ARCN1: variants seen among roughly 807,000 people sequenced by gnomAD.
ARCN1 encodes coatomer subunit delta.
ARCN1 carries 5 observed loss-of-function variants against 60.4 expected under a neutral mutation model. The ratio of observed to expected loss-of-function variants is 0.08; its 90% CI spans 0.04 to 0.17. The LOEUF (loss-of-function observed/expected upper bound fraction) is 0.17. Ranked by LOEUF, ARCN1 falls within the 10% of genes least tolerant of loss-of-function variation. The pLI is 1.00. For missense variants in ARCN1, 464 were observed against 626.5 expected (o/e 0.74, Z 2.77); for synonymous variants, 224 against 220.0 (o/e 1.02, Z -0.16).
rs1939130959 is a variant in ARCN1, at chr11:118,600,813, AC to A, written c.*103del. On this transcript the variant is annotated 3_prime_UTR_variant, in exon 10 of 10. Transcript: ENST00000264028. ...TTCCCAGATTTACAAGCCACTGGAG[AC>A]CCCTTTTTTCTGATACAATGCACGA... The A allele has an allele frequency of 2.4e-6, 2 of 822,998 alleles. No homozygotes were observed. The highest frequency in any genetic ancestry group is 3.9e-6 in the Non-Finnish European group (2 of 515,498). The allele number at this position is 822,998 out of a possible 1,614,324, so 51.0% of individuals were successfully genotyped here.
chr11:118,591,528 A>T (rs1555076313), intron 6 of ARCN1, among the ~76,000 whole-genome samples: 1 of 151,992 alleles, frequency 6.6e-6, no homozygotes, highest in Non-Finnish European at 1.5e-5. Flanking sequence ...AGTAGCTGGG[A>T]TTACAGGCAC....
chr11:118,579,293 G>A (rs1417722308), intron 1 of ARCN1, among the ~76,000 whole-genome samples: 1 of 152,042 alleles, frequency 6.6e-6, no homozygotes, highest in Non-Finnish European at 1.5e-5. Context: ...AATGTGAAAT[G>A]ATCCCAAATA....
In ARCN1 at chr11:118,590,342, G is replaced by T; in HGVS notation, c.820G>T (p.Val274Leu). Residue 274 changes from valine (V) to leucine (L), a missense_variant and splice_region_variant, in exon 6 of 10, where the codon GTA (valine) becomes TTA (leucine). Physicochemically the swap from Val to Leu is conservative, Grantham distance 32. Transcript: ENST00000264028. ...MHAPPINMES[V>L]HMKIEEKITL... is the part of the protein sequence containing the mutation. The stretch of plus-strand genomic sequence containing the variant: ...AAATGTATTACTTTCTCTTTATAGT[G>T]TACATATGAAGATTGAAGAAAAGAT... The T allele has an allele frequency of 6.2e-7, 1 of 1,611,436 alleles. No individual in the cohort carries two copies. Among genetic ancestry groups the T allele is most frequent in the Non-Finnish European group, 8.5e-7 (1 of 1,177,710 alleles).
intron 1 of ARCN1, among the ~76,000 whole-genome samples, chr11:118,574,841 A>C (rs991929193): frequency 2.6e-5 from 4 of 152,070 alleles, no homozygotes; most frequent in Non-Finnish European, 5.9e-5. Context: ...ATCATAGTGC[A>C]CTGCGGCCTA....
At chr11:118,574,312 C>T (rs1383039604) in intron 1 of ARCN1, among the ~76,000 whole-genome samples, 2 of 152,082 alleles carry the variant, frequency 1.3e-5, no homozygotes, top group East Asian at 3.8e-4. Flanking sequence ...TGCTCCTTTA[C>T]AAACAGATCC....
At chr11:118,590,837 G>T (rs1938890936) in intron 6 of ARCN1, among the ~76,000 whole-genome samples, 2 of 152,190 alleles carry the variant, frequency 1.3e-5, no homozygotes, top group Admixed American at 1.3e-4. Context: ...TTAGGATCTT[G>T]CTTGAAATAC....
chr11:118,583,041 A>C (rs1300711917), intron 2 of ARCN1, 138 bp from the exon 3 acceptor site: 9 of 1,054,932 alleles, frequency 8.5e-6, no homozygotes, highest in African/African-American at 8.1e-5. Context: ...ACTCTGTCCC[A>C]AAAAATAAAA....
intron 1 of ARCN1, among the ~76,000 whole-genome samples, chr11:118,579,876 G>A (rs1269913998): frequency 1.3e-5 from 2 of 151,852 alleles, no homozygotes; most frequent in East Asian, 3.9e-4. Flanking sequence ...GCCACTTTTT[G>A]AATCATCAGT....
rs183970750 is a variant in ARCN1 at position 118,585,963 on chromosome 11, C to T, written c.818+1319C>T. ...TTATCAAGTTCACATATTCGTGACT[C>T]AGATTTCTCGTCTTGAAGCCAGACC... On this transcript the variant is annotated intron_variant, in intron 5 of 9. Transcript: ENST00000264028. 1.1e-4 allele frequency among the ~76,000 whole-genome samples: 16 copies of T among 152,320 alleles called. No homozygotes were observed. The East Asian group carries it at 2.9e-3, about 28-fold the overall frequency.
intron 1 of ARCN1, among the ~76,000 whole-genome samples, chr11:118,577,259 T>C (rs961836822): frequency 2.6e-5 from 4 of 152,098 alleles, no homozygotes; most frequent in Non-Finnish European, 4.4e-5. Context: ...TTTCTTTTTT[T>C]TTTTTGAGGC....
rs544943924 is a variant in ARCN1 at position 118,601,340 on chromosome 11, G to C, written c.*626G>C. The C allele has an allele frequency of 4.3e-6, 2 of 459,778 alleles. No homozygotes were observed. The highest frequency in any genetic ancestry group is 4.0e-5 in the African/African-American group (2 of 49,780). The allele number at this position is 459,778 out of a possible 1,614,324, so 28.5% of individuals were successfully genotyped here. On this transcript the variant is annotated 3_prime_UTR_variant, in exon 10 of 10. Transcript: ENST00000264028. ...GCCTCCCAAAGTGTTGGGATTACAG[G>C]CATGAGCCACCATGCCCAGCTGCTC...
intron 1 of ARCN1, among the ~76,000 whole-genome samples, chr11:118,579,974 A>G (rs1479582917): frequency 2.6e-5 from 4 of 152,144 alleles, no homozygotes; most frequent in African/African-American, 9.7e-5. Flanking sequence ...TTTATATAAT[A>G]TTAGGATAGT....
rs1491164339 is a variant in ARCN1 at position 118,576,448 on chromosome 11, AAC to A, written c.3+3899_3+3900del. Among the ~76,000 whole-genome samples, 987 of 148,522 alleles carry A rather than the reference AAC, an allele frequency of 6.6e-3. 10 individuals carry two copies. Among genetic ancestry groups the A allele is most frequent in the African/African-American group, 0.023 (923 of 40,612 alleles). The stretch of plus-strand genomic sequence containing the variant: ...TGTTAAAAAAAAAAAAAAAAAAAAA[AAC>A]CAAAAACTTTGTAATCATATTTATT... On this transcript the variant is annotated intron_variant, in intron 1 of 9. Coordinates refer to ENST00000264028, the MANE Select transcript of ARCN1 (RefSeq NM_001655.5).
At position 118,584,753 on chromosome 11, in the gene ARCN1, C is replaced by T. The variant is rs185885676; in HGVS notation, c.818+109C>T. The T allele has an allele frequency of 1.3e-5, 13 of 1,037,306 alleles. No individual in the cohort carries two copies. In the East Asian group the frequency reaches 3.6e-4, roughly 29 times the overall value. 64.3% of individuals were successfully genotyped at this position (1,037,306 alleles called of 1,614,324 possible). ...ATTCTTTCTCTGTCTTTTAATCGTT[C>T]CTGATTTAAAAGATTTATTCAGAGC... On this transcript the variant is annotated intron_variant, in intron 5 of 9. Transcript: ENST00000264028.
chr11:118,585,750 G>A (rs1339746425), intron 5 of ARCN1, among the ~76,000 whole-genome samples: 1 of 152,080 alleles, frequency 6.6e-6, no homozygotes, highest in Non-Finnish European at 1.5e-5. Context: ...TGTTGCCCAG[G>A]CTGGTCTCGA....
At chr11:118,581,937 G>GACAGACACACAC (rs1555074708) in intron 2 of ARCN1, among the ~76,000 whole-genome samples, 273 of 140,806 alleles carry the variant, frequency 1.9e-3, no homozygotes, top group African/African-American at 6.9e-3. Flanking sequence ...CAGACAGACA[G>GACAGACACACAC]ACACACACAC....
chr11:118,600,722 A>G lies in ARCN1; in HGVS notation c.*8A>G, dbSNP rs1207680430. 1 of 1,580,446 alleles carries G rather than the reference A, an allele frequency of 6.3e-7. No homozygotes were observed. Among genetic ancestry groups the G allele is most frequent in the Admixed American group, 1.9e-5 (1 of 53,866 alleles). On this transcript the variant is annotated 3_prime_UTR_variant, in exon 10 of 10. Coordinates refer to ENST00000264028, the MANE Select transcript of ARCN1 (RefSeq NM_001655.5). The stretch of plus-strand genomic sequence containing the variant: ...AAGTATGAAATTCTGTAATACCAAG[A>G]AGAGGGAGCTGAAAAGGAAAATTTT...
chr11:118,584,749 C>T (rs781755620), intron 5 of ARCN1, 105 bp downstream of exon 5: 5 of 1,052,688 alleles, frequency 4.7e-6, no homozygotes, highest in African/African-American at 1.7e-5. Context: ...GTCTTTTAAT[C>T]GTTCCTGATT....
intron 1 of ARCN1, among the ~76,000 whole-genome samples, chr11:118,580,024 A>G (rs1446210616): frequency 6.6e-6 from 1 of 152,178 alleles, no homozygotes; most frequent in Non-Finnish European, 1.5e-5. Context: ...TATTCAACAC[A>G]TGAAATTGTG....
Sources: gnomAD v4.1 joint callset for allele counts (sites outside exome capture counted in the v4.1 genomes callset) on GRCh38, gnomAD v4.1.1 for gene constraint, MANE v1.5 for transcripts, NCBI Gene and HGNC (gene_info 2026-07-23, HGNC 2026-07-21) for gene names.